BDP1: variants seen among roughly 807,000 people sequenced by gnomAD.
BDP1 encodes the protein transcription factor TFIIIB component B'' homolog.
In BDP1, 169 loss-of-function variants were observed where a neutral mutation model predicts 266.6. That is an observed-to-expected ratio of 0.63 (90% confidence interval 0.56 to 0.72). BDP1 has a LOEUF of 0.72. BDP1 is among the 30% of genes least tolerant of loss of function. BDP1 has a pLI of 0.00. For synonymous variants in BDP1, 1,090 were observed against 1,022.4 expected, an observed-to-expected ratio of 1.07 and a Z score of -1.26; for missense variants, 3,015 against 3,053.8, an observed-to-expected ratio of 0.99 and a Z score of 0.30.
At chr5:71,547,144 C>T (rs113050252) in intron 32 of BDP1, among the ~76,000 whole-genome samples, 2,294 of 152,120 alleles carry the variant, frequency 0.015, 57 homozygotes, top group African/African-American at 0.052. Flanking sequence ...TGAGCCACCA[C>T]GCCTGGCCAG....
chr5:71,496,498 T>C (rs1763903030), intron 12 of BDP1, among the ~76,000 whole-genome samples: 1 of 147,766 alleles, frequency 6.8e-6, no homozygotes, highest in Non-Finnish European at 1.5e-5. Flanking sequence ...AGTGCAGTGG[T>C]GTGATCATAG....
intron 25 of BDP1, among the ~76,000 whole-genome samples, chr5:71,526,443 C>T (rs1223486665): frequency 2.0e-5 from 3 of 151,418 alleles, no homozygotes; most frequent in South Asian, 2.1e-4. Flanking sequence ...AAGGTGAAAC[C>T]CTGTCTCTAC....
intron 32 of BDP1, 22 bp from the exon 33 acceptor site, chr5:71,548,660 T>A (rs1391723444): frequency 1.3e-6 from 2 of 1,546,434 alleles, no homozygotes; most frequent in East Asian, 2.3e-5. Context: ...CCTGACTCTT[T>A]CATTTTAATT....
chr5:71,540,288 T>A (rs953539808), intron 28 of BDP1, among the ~76,000 whole-genome samples: 3 of 152,142 alleles, frequency 2.0e-5, no homozygotes, highest in African/African-American at 7.2e-5. Flanking sequence ...ACTTATTTAT[T>A]TATTTGAGAC....
At chr5:71,572,996 A>G in the BDP1 span, among the ~76,000 whole-genome samples, 23 of 152,310 alleles carry the variant, frequency 1.5e-4, no homozygotes, top group East Asian at 2.5e-3. Context: ...TGAGAGGCCA[A>G]GGCGGGTGGA....
At chr5:71,465,409 G>A (rs1761843810) in intron 4 of BDP1, among the ~76,000 whole-genome samples, 1 of 151,968 alleles carries the variant, frequency 6.6e-6, no homozygotes, top group African/African-American at 2.4e-5. Context: ...CTATAGGCAC[G>A]CATCACCATG....
intron 16 of BDP1, among the ~76,000 whole-genome samples, chr5:71,506,758 TTATATATATA>T (rs67179518): frequency 2.2e-5 from 3 of 135,854 alleles, no homozygotes; most frequent in African/African-American, 8.4e-5. Flanking sequence ...GTTTGGAGGT[TTATATATATA>T]TATATATATA....
rs184400239 is a variant in BDP1, at chr5:71,546,594, G to T, written c.6744+1375G>T. Among the ~76,000 whole-genome samples, 52 of 123,552 alleles carry T rather than the reference G, an allele frequency of 4.2e-4. No homozygotes were observed. In the East Asian group the frequency reaches 0.013, roughly 31 times the overall value. 81.1% of individuals were successfully genotyped at this position (123,552 alleles called of 152,430 possible). A position where few individuals can be genotyped will look rare whatever the true frequency, so the allele number is the denominator to read the frequency against. On this transcript the variant is annotated intron_variant, in intron 32 of 38. Transcript: ENST00000358731. ...GATCGTGCCATTGTACTCCAGCCTG[G>T]GCGACAGAACAAGACTCTGTCTCAA...
Position 71,483,844 on chromosome 5 carries a change from TA to T in BDP1, c.1020del (p.Lys340AsnfsTer13). 6.2e-7 allele frequency: 1 copy of T among 1,609,592 alleles called. No homozygotes were observed. Among genetic ancestry groups the T allele is most frequent in the Non-Finnish European group, 8.5e-7 (1 of 1,177,058 alleles). On this transcript the variant is annotated frameshift_variant, in exon 8 of 39. Transcript: ENST00000358731. LOFTEE classifies it high-confidence loss of function. Reference protein sequence around the residue: ...PHRARIEIKNKFKREEKTNGW... With the variant: ...PHRARIEIKNXFKREEKTNGW... ...ATAGGGTTTTTTGTTGTTAACAGAA[TA>T]AATTTAAACGGGAAGAGAAAACAAA... is the stretch of plus-strand genomic sequence containing the variant.
chr5:71,489,845 A>T (rs1763483209), intron 10 of BDP1, among the ~76,000 whole-genome samples, 163 bp downstream of exon 10: 1 of 152,196 alleles, frequency 6.6e-6, no homozygotes, highest in Non-Finnish European at 1.5e-5. Flanking sequence ...TTAATTAAAA[A>T]AGTTTATGTA....
chr5:71,466,169 G>A lies in BDP1; in HGVS notation c.733G>A (p.Val245Ile). ...AGAGACAGATGATGGGCCATTACTG[G>A]TTCCTCGAGTAAAAGTGGCAGAAGA... Reference protein sequence around the residue: ...EEETDDGPLLVPRVKVAEDGS... With the variant: ...EEETDDGPLLIPRVKVAEDGS... Residue 245 changes from valine (V) to isoleucine (I), a missense_variant, in exon 5 of 39, where the codon GTT becomes ATT. Around this residue, in one of 3 missense-constraint regions of BDP1, gnomAD observed 2,383 missense variants for 2,404.9 expected, o/e 0.99. Transcript: ENST00000358731. The A allele has an allele frequency of 6.2e-7, 1 of 1,614,038 alleles. No individual in the cohort carries two copies. Among genetic ancestry groups the A allele is most frequent in the Non-Finnish European group, 8.5e-7 (1 of 1,179,964 alleles).
chr5:71,562,164 C>T (rs1018194417), intron 37 of BDP1, 110 bp from the exon 38 acceptor site: 12 of 1,159,256 alleles, frequency 1.0e-5, no homozygotes, highest in Non-Finnish European at 1.4e-5. Flanking sequence ...CGCCACTGCA[C>T]TCCAGCCTGG....
downstream of BDP1, among the ~76,000 whole-genome samples, chr5:71,569,100 A>C (rs114510097): frequency 2.2e-3 from 334 of 152,290 alleles, 3 homozygotes; most frequent in African/African-American, 7.7e-3. Context: ...ACTTATTGTC[A>C]TTCCCCAAGA....
At chr5:71,479,028 G>T (rs1762767996) in intron 7 of BDP1, among the ~76,000 whole-genome samples, 1 of 151,808 alleles carries the variant, frequency 6.6e-6, no homozygotes. Flanking sequence ...ATTTTCACCT[G>T]GTTTTTATTT....
chr5:71,544,647 A>G (rs1375009779), intron 31 of BDP1, 140 bp downstream of exon 31: 4 of 811,986 alleles, frequency 4.9e-6, no homozygotes, highest in Non-Finnish European at 7.7e-6. Context: ...TGGGAGGCCA[A>G]GACGGGAGGA....
At chr5:71,542,770 G>C (rs1225692774) in intron 30 of BDP1, among the ~76,000 whole-genome samples, 2 of 151,794 alleles carry the variant, frequency 1.3e-5, no homozygotes, top group Non-Finnish European at 2.9e-5. Context: ...GCTTACTGTT[G>C]ATCAGAAGCC....
chr5:71,557,318 C>G (rs1353614900), intron 36 of BDP1, among the ~76,000 whole-genome samples: 1 of 152,012 alleles, frequency 6.6e-6, no homozygotes, highest in Non-Finnish European at 1.5e-5. Flanking sequence ...AAGCAATCCT[C>G]CCACCTCAGC....
rs1764485118 is a variant in BDP1 at position 71,504,808 on chromosome 5, C to G, written c.2372+57C>G. 9.6e-6 allele frequency: 15 copies of G among 1,562,690 alleles called. No homozygotes were observed. In the East Asian group the frequency reaches 3.4e-4, roughly 35 times the overall value. On this transcript the variant is annotated intron_variant, in intron 16 of 38. Transcript: ENST00000358731. ...GGATTTTGTAAAAAGTTTTAGAACT[C>G]AATCAGTTTTTTAAAGCAGAAGCAA...
At chr5:71,551,807 G>A (rs1316795721) in intron 34 of BDP1, among the ~76,000 whole-genome samples, 1 of 150,520 alleles carries the variant, frequency 6.6e-6, no homozygotes, top group Non-Finnish European at 1.5e-5. Context: ...CAGACGGGGT[G>A]GCTGGCCGGG....
Sources: gnomAD v4.1 joint callset for allele counts (sites outside exome capture counted in the v4.1 genomes callset) on GRCh38, gnomAD v4.1.1 for gene constraint, gnomAD v4.1.1 regional missense constraint, MANE v1.5 for transcripts, NCBI Gene and HGNC (gene_info 2026-07-23, HGNC 2026-07-21) for gene names.